The following XPR1 variants were observed in gnomAD, a reference collection of about 807,000 sequenced individuals.
The protein encoded by XPR1 is xenotropic and polytropic retrovirus receptor 1.
Under a neutral mutation model 87.5 loss-of-function variants are expected in XPR1, and 28 were observed. The ratio of observed to expected loss-of-function variants is 0.32; its 90% CI spans 0.24 to 0.44. The LOEUF (loss-of-function observed/expected upper bound fraction) is 0.44. XPR1 is among the 20% of genes least tolerant of loss of function. XPR1 has a pLI of 1.00. For synonymous variants in XPR1, 300 were observed against 306.1 expected (o/e 0.98, Z 0.21); for missense variants, 559 against 862.3 (o/e 0.65, Z 4.41).
chr1:180,754,783 A>G (rs1379136732), intron 2 of XPR1, among the ~76,000 whole-genome samples: 1 of 152,102 alleles, frequency 6.6e-6, no homozygotes, highest in Non-Finnish European at 1.5e-5. Context: ...ATTTTAAAAT[A>G]TGTGGTGAGA....
At chr1:180,655,216 T>C (rs1195502384) in intron 1 of XPR1, among the ~76,000 whole-genome samples, 1 of 152,210 alleles carries the variant, frequency 6.6e-6, no homozygotes, top group African/African-American at 2.4e-5. Flanking sequence ...TGGTTATTTC[T>C]TCATTGGAGA....
chr1:180,715,579 CAGA>C (rs1166188527), intron 2 of XPR1, among the ~76,000 whole-genome samples: 3 of 152,160 alleles, frequency 2.0e-5, no homozygotes, highest in East Asian at 1.9e-4. Flanking sequence ...AAATATAGTT[CAGA>C]AGAAGATTAT....
intron 1 of XPR1, among the ~76,000 whole-genome samples, chr1:180,682,149 A>G (rs149530252): frequency 9.4e-4 from 143 of 152,292 alleles, no homozygotes; most frequent in African/African-American, 3.2e-3. Context: ...AAAGTATACA[A>G]GTTAGCCCTC....
At chr1:180,799,339 T>C (rs139676007) in intron 3 of XPR1, among the ~76,000 whole-genome samples, 19 of 152,350 alleles carry the variant, frequency 1.2e-4, no homozygotes, top group African/African-American at 3.6e-4. Context: ...TGGGGACTTA[T>C]GGCCTCATTA....
At chr1:180,733,035 G>T (rs143435192) in intron 2 of XPR1, among the ~76,000 whole-genome samples, 1 of 152,184 alleles carries the variant, frequency 6.6e-6, no homozygotes, top group Non-Finnish European at 1.5e-5. Context: ...GCCCACCGGC[G>T]TGCCGGTGCA....
At chr1:180,862,332 T>C (rs1652249633) in intron 11 of XPR1, among the ~76,000 whole-genome samples, 1 of 152,096 alleles carries the variant, frequency 6.6e-6, no homozygotes, top group African/African-American at 2.4e-5. Context: ...TTCTCTCACA[T>C]CTTCTATATG....
At chr1:180,783,550 A>C (rs1649024511) in intron 2 of XPR1, among the ~76,000 whole-genome samples, 1 of 152,036 alleles carries the variant, frequency 6.6e-6, no homozygotes, top group South Asian at 2.1e-4. Flanking sequence ...ATGAATGTAC[A>C]TATGAATATT....
At chr1:180,712,941 C>CTTTT (rs60236840) in intron 2 of XPR1, among the ~76,000 whole-genome samples, 1 of 130,186 alleles carries the variant, frequency 7.7e-6, no homozygotes, top group Non-Finnish European at 1.6e-5. Context: ...CAGCTTTGTT[C>CTTTT]TTTTTTTTTT....
intron 2 of XPR1, among the ~76,000 whole-genome samples, chr1:180,758,500 G>A (rs1647852320): frequency 6.6e-6 from 1 of 152,140 alleles, no homozygotes; most frequent in African/African-American, 2.4e-5. Flanking sequence ...TTGAGGTCAG[G>A]AGTTCAAGAC....
rs779448185 is a variant in XPR1, at chr1:180,836,545, A to G, written c.1330A>G (p.Thr444Ala). The G allele has an allele frequency of 5.6e-6, 9 of 1,614,060 alleles. No individual in the cohort carries two copies. In the African/African-American group the frequency reaches 9.3e-5, roughly 17 times the overall value. The change falls in exon 11 of 15, where the codon ACA becomes GCA. Residue 444 changes from threonine (T) to alanine (A), a missense_variant. By Grantham distance (58) the Thr-to-Ala change is moderately conservative (BLOSUM62 0). Coordinates refer to ENST00000367590, the MANE Select transcript of XPR1 (RefSeq NM_004736.4). Reference protein sequence around the residue: ...SEESGICHKYTYGVRAIVQCI... With the variant: ...SEESGICHKYAYGVRAIVQCI... ...AGAATCAGGAATTTGCCACAAATAT[A>G]CATATGGTGTGCGGGCCATTGTTCA...
At chr1:180,825,399 C>T (rs1650792692) in intron 9 of XPR1, 55 bp downstream of exon 9, 5 of 1,534,314 alleles carry the variant, frequency 3.3e-6, no homozygotes, top group Admixed American at 1.9e-5. Flanking sequence ...TTATTGACTT[C>T]CTCTAAGATA....
At chr1:180,692,815 A>G (rs1347697840) in intron 2 of XPR1, among the ~76,000 whole-genome samples, 3 of 152,186 alleles carry the variant, frequency 2.0e-5, no homozygotes, top group Admixed American at 2.0e-4. Flanking sequence ...AAATTATGTT[A>G]TGATAACAAA....
In XPR1 at chr1:180,873,921, T is replaced by G; in HGVS notation, c.1787T>G (p.Phe596Cys). Residue 596 changes from phenylalanine (F) to cysteine (C), a missense_variant, in exon 13 of 15, where the codon TTT (phenylalanine) becomes TGT (cysteine). Phe to Cys is a radical substitution (Grantham distance 205). Coordinates refer to ENST00000367590, the MANE Select transcript of XPR1 (RefSeq NM_004736.4). Reference sequence around the variant, plus strand: ...TCTGGGGACATCATTGCTACTGTCTTTGCCCCACTTGAGGTTTTCCGGTAA... The same window carrying G: ...TCTGGGGACATCATTGCTACTGTCTGTGCCCCACTTGAGGTTTTCCGGTAA... ...PHSGDIIATV[F>C]APLEVFRRFV... is the part of the protein sequence containing the mutation. The G allele has an allele frequency of 6.2e-7, 1 of 1,613,550 alleles. No individual in the cohort carries two copies. The highest frequency in any genetic ancestry group is 2.2e-5 in the East Asian group (1 of 44,862).
intron 2 of XPR1, among the ~76,000 whole-genome samples, chr1:180,733,149 G>A (rs780995154): frequency 5.3e-5 from 8 of 152,178 alleles, no homozygotes; most frequent in Non-Finnish European, 1.0e-4. Flanking sequence ...CGGTCTTAGG[G>A]GTTTCTATAG....
chr1:180,760,695 T>C (rs1280663194), intron 2 of XPR1, among the ~76,000 whole-genome samples: 2 of 152,166 alleles, frequency 1.3e-5, no homozygotes, highest in Non-Finnish European at 2.9e-5. Flanking sequence ...CTGCCCAAGG[T>C]AATTTATAGA....
intron 2 of XPR1, among the ~76,000 whole-genome samples, chr1:180,727,540 A>T (rs1571771818): frequency 6.6e-6 from 1 of 152,150 alleles, no homozygotes; most frequent in African/African-American, 2.4e-5. Flanking sequence ...GCTACTTGGG[A>T]GGCTGAGACG....
At chr1:180,647,681 C>G (rs1448047901) in intron 1 of XPR1, among the ~76,000 whole-genome samples, 1 of 152,034 alleles carries the variant, frequency 6.6e-6, no homozygotes, top group Admixed American at 6.6e-5. Context: ...GGTGGATCAC[C>G]TGAGGTCGGG....
At position 180,888,587 on chromosome 1, in the gene XPR1, G is replaced by C. The variant is rs1159630107; in HGVS notation, c.*4521G>C. 1.1e-4 allele frequency: 16 copies of C among 151,924 alleles called. No homozygotes were observed. The highest frequency in any genetic ancestry group is 1.0e-3 in the Admixed American group (16 of 15,254). 9.4% of individuals were successfully genotyped at this position (151,924 alleles called of 1,614,324 possible). On this transcript the variant is annotated 3_prime_UTR_variant, in exon 15 of 15. Transcript: ENST00000367590. ...TTTGGTAGAACTTCTGCAAAAGTTAGGTAAAGAAGAATAAATCCAATTTAT... is the reference window on the plus strand; with the variant it reads ...TTTGGTAGAACTTCTGCAAAAGTTACGTAAAGAAGAATAAATCCAATTTAT...
chr1:180,728,669 A>G (rs1469022964), intron 2 of XPR1, among the ~76,000 whole-genome samples: 1 of 152,222 alleles, frequency 6.6e-6, no homozygotes, highest in Non-Finnish European at 1.5e-5. Flanking sequence ...ATTATTTTAC[A>G]GGTGAGGTAA....
Sources: allele counts gnomAD v4.1 joint callset (sites outside exome capture counted in the v4.1 genomes callset), GRCh38; gene constraint gnomAD v4.1.1; transcripts MANE v1.5; gene names NCBI Gene and HGNC (gene_info 2026-07-23, HGNC 2026-07-21).